Variants in DIP2C observed in about 807,000 individuals in gnomAD.
DIP2C encodes disco-interacting protein 2 homolog C.
A neutral mutation model predicts 192.4 loss-of-function variants in DIP2C; 33 were observed. That is an observed-to-expected ratio of 0.17 (90% CI 0.13 to 0.23). The LOEUF (loss-of-function observed/expected upper bound fraction) is 0.23. Ranked by LOEUF, DIP2C falls within the 10% of genes least tolerant of loss-of-function variation. DIP2C has a pLI of 1.00. For missense variants in DIP2C, 1,537 were observed against 2,110.1 expected, an observed-to-expected ratio of 0.73 and a Z score of 5.32; for synonymous variants, 979 against 864.1, an observed-to-expected ratio of 1.13 and a Z score of -2.33.
intron 1 of DIP2C, among the ~76,000 whole-genome samples, chr10:627,311 C>T (rs1045038856): frequency 6.6e-6 from 1 of 152,248 alleles, no homozygotes; most frequent in Non-Finnish European, 1.5e-5. Context: ...CGACACCTCC[C>T]TCTCCAAAAC....
chr10:299,532 G>A (rs1055229942), intron 32 of DIP2C, among the ~76,000 whole-genome samples: 21 of 152,318 alleles, frequency 1.4e-4, no homozygotes, highest in Middle Eastern at 3.4e-3. Context: ...ATAAATGTAA[G>A]AGATAAAACT....
rs1965821565 is a variant in DIP2C, at chr10:417,855, AG to A, written c.739+1209del. ...GCCTCCCTGTCCACCTGCACCTGTCAGAGCTCGGACAGGCCTCCCTGTCCAC... is the reference window on the plus strand; with the variant it reads ...GCCTCCCTGTCCACCTGCACCTGTCAAGCTCGGACAGGCCTCCCTGTCCAC... On this transcript the variant is annotated intron_variant, in intron 6 of 36. Transcript: ENST00000280886. Among the ~76,000 whole-genome samples the A allele has an allele frequency of 2.2e-5, 2 of 92,930 alleles. 1 individual carries two copies. The highest frequency in any genetic ancestry group is 1.1e-4 in the African/African-American group (2 of 18,672). The allele number at this position is 92,930 out of a possible 152,430, so 61.0% of individuals were successfully genotyped here.
chr10:524,170 C>T (rs1020535489), intron 1 of DIP2C, among the ~76,000 whole-genome samples: 22 of 152,182 alleles, frequency 1.4e-4, no homozygotes, highest in African/African-American at 5.1e-4. Flanking sequence ...AGCTTCTACC[C>T]CAGGGAGGCT....
chr10:683,259 G>A (rs1372420389), intron 1 of DIP2C, among the ~76,000 whole-genome samples: 1 of 152,220 alleles, frequency 6.6e-6, no homozygotes, highest in Non-Finnish European at 1.5e-5. Flanking sequence ...CGGTTGTGCA[G>A]GCTCCGAAGA....
intron 1 of DIP2C, among the ~76,000 whole-genome samples, chr10:658,525 G>A (rs548268241): frequency 1.3e-5 from 2 of 152,380 alleles, no homozygotes; most frequent in Non-Finnish European, 2.9e-5. Flanking sequence ...CAGAGCTGCT[G>A]GCATCATTCA....
At chr10:548,210 C>CCCG (rs1554897786) in intron 1 of DIP2C, among the ~76,000 whole-genome samples, 1 of 103,540 alleles carries the variant, frequency 9.7e-6, no homozygotes, top group Admixed American at 9.0e-5. Context: ...TCTGCCCCAC[C>CCCG]CCCCCCCCCA....
At chr10:393,801 AAAAAAG>A (rs1417903098) in intron 10 of DIP2C, among the ~76,000 whole-genome samples, 1,489 of 147,928 alleles carry the variant, frequency 0.01, 33 homozygotes, top group African/African-American at 0.035. Flanking sequence ...AAAAAAGAAA[AAAAAAG>A]AAAAAGAAAA....
At chr10:433,047 A>G (rs1253162444) in intron 4 of DIP2C, among the ~76,000 whole-genome samples, 4 of 152,180 alleles carry the variant, frequency 2.6e-5, no homozygotes, top group South Asian at 2.1e-4. Context: ...GTGGTATATC[A>G]TGGTGAATGT....
chr10:679,480 TCCCCACAC>T (rs1831036956), intron 1 of DIP2C, among the ~76,000 whole-genome samples: 2 of 47,270 alleles, frequency 4.2e-5, no homozygotes, highest in Non-Finnish European at 7.8e-5. Flanking sequence ...ACACCCCTGC[TCCCCACAC>T]CCCTGCTCCC....
At chr10:618,501 A>T (rs957377887) in intron 1 of DIP2C, among the ~76,000 whole-genome samples, 2 of 152,230 alleles carry the variant, frequency 1.3e-5, no homozygotes, top group African/African-American at 4.8e-5. Context: ...AGGCACGAGC[A>T]GGCGCCCACC....
chr10:436,169 T>A (rs1295212550), intron 4 of DIP2C, among the ~76,000 whole-genome samples: 2 of 152,266 alleles, frequency 1.3e-5, no homozygotes, highest in African/African-American at 4.8e-5. Context: ...AGAGATCATC[T>A]TGCATGTGTG....
chr10:369,316 G>C (rs144183777), intron 18 of DIP2C, among the ~76,000 whole-genome samples, 178 bp downstream of exon 18: 1 of 152,220 alleles, frequency 6.6e-6, no homozygotes, highest in Non-Finnish European at 1.5e-5. Flanking sequence ...TACCAGGAGA[G>C]GGAACACTGC....
At chr10:316,343 G>A (rs575601916) in intron 31 of DIP2C, among the ~76,000 whole-genome samples, 2 of 152,324 alleles carry the variant, frequency 1.3e-5, no homozygotes, top group African/African-American at 2.4e-5. Context: ...TGCTGGGCCT[G>A]AACACTGACA....
In DIP2C at chr10:472,421, A is replaced by G; in HGVS notation, c.268+18T>C. 6.2e-7 allele frequency: 1 copy of G among 1,609,204 alleles called. No homozygotes were observed. The highest frequency in any genetic ancestry group is 8.5e-7 in the Non-Finnish European group (1 of 1,176,156). ...AGGTGGCAGATGGACGTATTGTATCACCCCACCCCGTGCTTACCTGACCGA... is the reference window on the plus strand; with the variant it reads ...AGGTGGCAGATGGACGTATTGTATCGCCCCACCCCGTGCTTACCTGACCGA... On this transcript the variant is annotated intron_variant, in intron 3 of 36. Transcript: ENST00000280886.
intron 1 of DIP2C, among the ~76,000 whole-genome samples, chr10:553,632 G>A (rs1209948305): frequency 6.6e-6 from 1 of 152,238 alleles, no homozygotes; most frequent in Non-Finnish European, 1.5e-5. Context: ...TTTAGTCCAT[G>A]CCTTCAAGAA....
At chr10:537,816 G>C (rs7092325) in intron 1 of DIP2C, among the ~76,000 whole-genome samples, 29,442 of 151,332 alleles carry the variant, frequency 0.19, 4,636 homozygotes, top group African/African-American at 0.44. Flanking sequence ...CCCCGAGACC[G>C]AGTCTCGCTC....
At chr10:598,191 A>AGGCCGGCACC (rs1851831547) in intron 1 of DIP2C, among the ~76,000 whole-genome samples, 2 of 152,164 alleles carry the variant, frequency 1.3e-5, no homozygotes, top group African/African-American at 4.8e-5. Context: ...GGGGAGGCCA[A>AGGCCGGCACC]GGCCGGCACC....
intron 2 of DIP2C, among the ~76,000 whole-genome samples, chr10:481,227 C>G (rs1456031502): frequency 6.6e-6 from 1 of 152,256 alleles, no homozygotes; most frequent in Non-Finnish European, 1.5e-5. Flanking sequence ...CCAGGGCCAG[C>G]CAGCCACGTC....
At chr10:589,851 T>G (rs994308233) in intron 1 of DIP2C, among the ~76,000 whole-genome samples, 3 of 152,198 alleles carry the variant, frequency 2.0e-5, no homozygotes, top group Non-Finnish European at 4.4e-5. Flanking sequence ...CATTTCAAGG[T>G]AGTTACCAAG....
Sources: allele counts gnomAD v4.1 joint callset (sites outside exome capture counted in the v4.1 genomes callset), GRCh38; gene constraint gnomAD v4.1.1; transcripts MANE v1.5; gene names NCBI Gene and HGNC (gene_info 2026-07-23, HGNC 2026-07-21).